LGALS8: variants seen among roughly 807,000 people sequenced by gnomAD.
LGALS8 encodes galectin-8.
LGALS8 carries 30 observed loss-of-function variants against 35.9 expected under a neutral mutation model. The observed-to-expected ratio is 0.83, with a 90% CI of 0.62 to 1.13. LGALS8 has a LOEUF of 1.13. LGALS8 is among the 50% of genes most tolerant of loss of function. LGALS8 has a pLI of 0.00. For synonymous variants in LGALS8, 138 were observed against 136.1 expected (o/e 1.01, Z -0.10); for missense variants, 366 against 388.7 (o/e 0.94, Z 0.49).
chr1:236,532,793 G>A (rs1033656667), intron 2 of LGALS8, among the ~76,000 whole-genome samples: 3 of 152,122 alleles, frequency 2.0e-5, no homozygotes, highest in African/African-American at 7.2e-5. Context: ...GCAGTAAGCC[G>A]AGATCACGCC....
intron 9 of LGALS8, 117 bp from the exon 10 acceptor site, chr1:236,547,895 C>A (rs1662487175): frequency 1.2e-6 from 1 of 867,120 alleles, no homozygotes; most frequent in Non-Finnish European, 1.8e-6. Context: ...TCAGCAGCAG[C>A]AGGCTGGAAC....
intron 2 of LGALS8, 131 bp from the exon 3 acceptor site, chr1:236,537,366 G>A (rs912068305): frequency 2.0e-5 from 12 of 610,626 alleles, no homozygotes; most frequent in Non-Finnish European, 3.2e-5. Context: ...GGAAAATGCT[G>A]GATTCTGAGC....
In LGALS8 at chr1:236,552,926, CTCAT is replaced by C. The variant is rs1662821349; in HGVS notation, c.*4767_*4770del. Reference sequence around the variant, plus strand: ...AAATGTGGGGGTTCATCATAATAGTCTCATTGTTAGCATATCCTAATAAAGAATT... The same window carrying C: ...AAATGTGGGGGTTCATCATAATAGTCTGTTAGCATATCCTAATAAAGAATT... On this transcript the variant is annotated 3_prime_UTR_variant, in exon 10 of 10. Transcript: ENST00000366584. 1 of 152,168 alleles carries C rather than the reference CTCAT, an allele frequency of 6.6e-6. No homozygotes were observed. Among genetic ancestry groups the C allele is most frequent in the East Asian group, 1.9e-4 (1 of 5,204 alleles). 9.4% of individuals were successfully genotyped at this position (152,168 alleles called of 1,614,324 possible).
intron 1 of LGALS8, chr1:236,518,366 G>A (rs895315313): frequency 5.9e-5 from 9 of 152,104 alleles, no homozygotes; most frequent in African/African-American, 2.2e-4. Flanking sequence ...CTAGTATTGG[G>A]GTGTAGGGGA....
chr1:236,537,662 G>A (rs534154019), intron 3 of LGALS8, 77 bp downstream of exon 3: 20 of 1,062,138 alleles, frequency 1.9e-5, no homozygotes, highest in East Asian at 7.2e-5. Flanking sequence ...AGAGTAAGGC[G>A]GGAGAGACCA....
chr1:236,532,196 T>C (rs1482690896), intron 2 of LGALS8, among the ~76,000 whole-genome samples: 2 of 152,180 alleles, frequency 1.3e-5, no homozygotes, highest in East Asian at 1.9e-4. Context: ...ACCAGTTAGG[T>C]TGGTGGGTGC....
chr1:236,543,057 A>T, intron 7 of LGALS8: 1 of 1,611,566 alleles, frequency 6.2e-7, no homozygotes, highest in East Asian at 2.2e-5. Context: ...AGAGCACCAA[A>T]TTTTCTTAAC....
At chr1:236,522,550 G>T (rs766707454), upstream of LGALS8, among the ~76,000 whole-genome samples, 31 of 152,208 alleles carry the variant, frequency 2.0e-4, no homozygotes, top group Non-Finnish European at 3.8e-4. Flanking sequence ...TCAAAGTGGC[G>T]GGGCTGGGGG....
Position 236,526,048 on chromosome 1 carries a change from A to T in LGALS8, c.-23A>T, listed in dbSNP as rs748788439. ...TTAGGTCATACACAGAAGAGACTCC[A>T]ATCGACAAGAAGCTGGAAAAGAATG... On this transcript the variant is annotated 5_prime_UTR_variant, in exon 2 of 10. Coordinates refer to ENST00000366584, the MANE Select transcript of LGALS8 (RefSeq NM_201544.4). This position sits in a 1 kb window ranked among gnomAD's most constrained non-coding sequence, Gnocchi z 4.6. 6 of 1,606,768 alleles carry T rather than the reference A, an allele frequency of 3.7e-6. No individual in the cohort carries two copies. The highest frequency in any genetic ancestry group is 1.7e-4 in the Middle Eastern group (1 of 6,038).
intron 8 of LGALS8, 62 bp downstream of exon 8, chr1:236,543,710 C>A: frequency 8.8e-7 from 1 of 1,130,676 alleles, no homozygotes; most frequent in South Asian, 1.2e-5. Flanking sequence ...CGCCTTCCAC[C>A]CGTGAACGGT....
intron 4 of LGALS8, among the ~76,000 whole-genome samples, chr1:236,539,863 GTTTAT>G (rs1312428961): frequency 1.3e-5 from 2 of 152,152 alleles, no homozygotes; most frequent in Non-Finnish European, 2.9e-5. Context: ...GGCTTTACGT[GTTTAT>G]TTTGCCTCCA....
chr1:236,544,465 T>C (rs1214238229), intron 8 of LGALS8, among the ~76,000 whole-genome samples: 2 of 152,280 alleles, frequency 1.3e-5, no homozygotes, highest in African/African-American at 4.8e-5. Context: ...AAGTAGTCAT[T>C]CAGTTTAGCG....
intron 1 of LGALS8, chr1:236,524,409 C>G: frequency 2.2e-6 from 1 of 455,820 alleles, no homozygotes. Context: ...CCTGTTCCCT[C>G]CTAGCCTGAG....
intron 2 of LGALS8, among the ~76,000 whole-genome samples, chr1:236,531,735 A>G (rs1178048398): frequency 2.0e-5 from 3 of 152,018 alleles, no homozygotes; most frequent in Admixed American, 2.0e-4. Flanking sequence ...CCTTGATATT[A>G]TTGCCCTGGC....
chr1:236,537,208 G>A (rs1253738038), intron 2 of LGALS8, among the ~76,000 whole-genome samples: 1 of 151,676 alleles, frequency 6.6e-6, no homozygotes, highest in Non-Finnish European at 1.5e-5. Context: ...GTAGAGACGG[G>A]GTTTCACCGT....
At position 236,548,141 on chromosome 1, in the gene LGALS8, C is replaced by T; in HGVS notation, c.934C>T (p.Leu312=). 2 of 1,613,720 alleles carry T rather than the reference C, an allele frequency of 1.2e-6. No individual in the cohort carries two copies. The highest frequency in any genetic ancestry group is 1.7e-6 in the Non-Finnish European group (2 of 1,179,740). The stretch of plus-strand genomic sequence containing the variant: ...GGAAATTAATGGAGACATCCACTTA[C>T]TGGAAGTAAGGAGCTGGTAGCCTAC... ...TLEINGDIHL[L]EVRSW is the part of the protein sequence containing the mutation. The change falls in exon 10 of 10, where the codon CTG becomes TTG. Residue 312 remains leucine (L), a synonymous_variant. Coordinates refer to ENST00000366584, the MANE Select transcript of LGALS8 (RefSeq NM_201544.4).
At chr1:236,539,628 C>T (rs1169771085) in intron 4 of LGALS8, among the ~76,000 whole-genome samples, 1 of 147,946 alleles carries the variant, frequency 6.8e-6, no homozygotes, top group East Asian at 2.0e-4. Context: ...CAGAAGCTTA[C>T]ACCTGCTGGC....
chr1:236,532,872 A>T (rs867597823), intron 2 of LGALS8, among the ~76,000 whole-genome samples: 2 of 142,186 alleles, frequency 1.4e-5, no homozygotes, highest in Non-Finnish European at 3.1e-5. Context: ...AAAAACAAAA[A>T]ACCTGTTTTC....
Position 236,552,158 on chromosome 1 carries a change from T to C in LGALS8, c.*3997T>C. ...ATAAAAAGTAGTGTTACTGTATTTA[T>C]TATCTTAAGAGCTGTACTGACTTGA... On this transcript the variant is annotated 3_prime_UTR_variant, in exon 10 of 10. Coordinates refer to ENST00000366584, the MANE Select transcript of LGALS8 (RefSeq NM_201544.4). The C allele has an allele frequency of 8.1e-7, 1 of 1,234,166 alleles. No homozygotes were observed. Among genetic ancestry groups the C allele is most frequent in the Non-Finnish European group, 1.2e-6 (1 of 841,594 alleles). 76.5% of individuals were successfully genotyped at this position (1,234,166 alleles called of 1,614,324 possible).
Sources: gnomAD v4.1 joint callset for allele counts (sites outside exome capture counted in the v4.1 genomes callset) on GRCh38, gnomAD v4.1.1 for gene constraint, Gnocchi (gnomAD v3.1) non-coding constraint, MANE v1.5 for transcripts, NCBI Gene and HGNC (gene_info 2026-07-23, HGNC 2026-07-21) for gene names.